Variants in CTNNA3 observed in about 807,000 individuals in gnomAD.
CTNNA3 encodes catenin alpha-3.
Under a neutral mutation model 95.7 loss-of-function variants are expected in CTNNA3, and 76 were observed. The ratio of observed to expected loss-of-function variants is 0.79; its 90% CI spans 0.66 to 0.96. The LOEUF (loss-of-function observed/expected upper bound fraction) is 0.96. CTNNA3 is among the 40% of genes least tolerant of loss of function. The pLI is 0.00. For synonymous variants in CTNNA3, 431 were observed against 374.4 expected (o/e 1.15, Z -1.74); for missense variants, 1,191 against 1,089.8 (o/e 1.09, Z -1.31).
intron 12 of CTNNA3, among the ~76,000 whole-genome samples, chr10:66,286,008 A>G (rs1369073768): frequency 6.6e-6 from 1 of 151,994 alleles, no homozygotes; most frequent in East Asian, 1.9e-4. Context: ...TCTATGGTTG[A>G]TGGGCATTTG....
chr10:67,246,787 A>G (rs770194126), intron 5 of CTNNA3, among the ~76,000 whole-genome samples: 3 of 152,130 alleles, frequency 2.0e-5, no homozygotes, highest in Non-Finnish European at 4.4e-5. Context: ...ATAGGGAAAA[A>G]TTCCTTTCTA....
chr10:66,966,309 A>G (rs960214860), intron 7 of CTNNA3, among the ~76,000 whole-genome samples: 4 of 152,134 alleles, frequency 2.6e-5, no homozygotes, highest in Admixed American at 6.5e-5. Context: ...AAAAAGTCTT[A>G]TTCTCATTTT....
At chr10:66,347,642 C>T (rs2092534289) in intron 12 of CTNNA3, among the ~76,000 whole-genome samples, 1 of 151,274 alleles carries the variant, frequency 6.6e-6, no homozygotes, top group Admixed American at 6.6e-5. Context: ...CAAGAATCTA[C>T]CAAATATCTA....
At chr10:67,669,189 A>G (rs1382628750) in intron 1 of CTNNA3, among the ~76,000 whole-genome samples, 3 of 152,150 alleles carry the variant, frequency 2.0e-5, no homozygotes, top group African/African-American at 7.2e-5. Flanking sequence ...ATTCACACCA[A>G]TTGACAGGTA....
intron 16 of CTNNA3, among the ~76,000 whole-genome samples, chr10:65,967,199 G>A (rs2077989576): frequency 6.6e-6 from 1 of 151,594 alleles, no homozygotes; most frequent in Non-Finnish European, 1.5e-5. Flanking sequence ...CTCATGATCT[G>A]CCTGCCTTGG....
intron 9 of CTNNA3, among the ~76,000 whole-genome samples, chr10:66,627,291 C>A (rs899154090): frequency 1.3e-5 from 2 of 152,136 alleles, no homozygotes; most frequent in Non-Finnish European, 2.9e-5. Context: ...CTTTTTCTAA[C>A]CTAGTGGTGT....
chr10:67,244,061 A>T (rs1349609248), intron 5 of CTNNA3, among the ~76,000 whole-genome samples: 1 of 152,216 alleles, frequency 6.6e-6, no homozygotes, highest in Admixed American at 6.5e-5. Flanking sequence ...TTACTTTTCC[A>T]TGAAATAAAA....
chr10:67,154,560 A>G (rs775037610), intron 7 of CTNNA3, among the ~76,000 whole-genome samples: 3 of 152,264 alleles, frequency 2.0e-5, no homozygotes, highest in Admixed American at 6.5e-5. Flanking sequence ...CTTGAAGATT[A>G]GAATAAAACG....
chr10:67,468,779 G>A (rs1847700385), intron 5 of CTNNA3, among the ~76,000 whole-genome samples: 1 of 152,154 alleles, frequency 6.6e-6, no homozygotes, highest in Non-Finnish European at 1.5e-5. Flanking sequence ...CCAGGTAGAT[G>A]AAAGCTGCCC....
At chr10:67,488,074 T>A (rs950086303) in intron 5 of CTNNA3, among the ~76,000 whole-genome samples, 1 of 152,120 alleles carries the variant, frequency 6.6e-6, no homozygotes, top group African/African-American at 2.4e-5. Flanking sequence ...TAAGAAATCA[T>A]ACATACAGAA....
chr10:66,095,165 T>C (rs1209180213), intron 14 of CTNNA3, among the ~76,000 whole-genome samples: 1 of 152,104 alleles, frequency 6.6e-6, no homozygotes, highest in Non-Finnish European at 1.5e-5. Context: ...ATATTTGAAA[T>C]CTTGGGATTA....
chr10:66,511,776 T>A (rs560765639), intron 11 of CTNNA3, among the ~76,000 whole-genome samples: 1 of 152,090 alleles, frequency 6.6e-6, no homozygotes, highest in South Asian at 2.1e-4. Context: ...GTTTTGGGCC[T>A]AACATAGGGT....
chr10:66,107,918 A>G (rs1273248932), intron 13 of CTNNA3, among the ~76,000 whole-genome samples: 3 of 152,140 alleles, frequency 2.0e-5, no homozygotes, highest in African/African-American at 7.2e-5. Context: ...TGAATTCTAA[A>G]CCATACACAT....
chr10:67,563,739 C>T (rs911103794), intron 3 of CTNNA3, among the ~76,000 whole-genome samples: 2 of 151,944 alleles, frequency 1.3e-5, no homozygotes, highest in Admixed American at 6.6e-5. Flanking sequence ...TTTCAATCTA[C>T]CCATCTGACA....
intron 3 of CTNNA3, among the ~76,000 whole-genome samples, chr10:67,579,269 G>T (rs980609132): frequency 1.5e-5 from 2 of 133,914 alleles, no homozygotes; most frequent in Non-Finnish European, 3.0e-5. Flanking sequence ...TGTTCTCGTT[G>T]TTCAATTCCC....
chr10:67,571,923 G>C (rs1841992955), intron 3 of CTNNA3, among the ~76,000 whole-genome samples: 1 of 152,182 alleles, frequency 6.6e-6, no homozygotes, highest in African/African-American at 2.4e-5. Context: ...TTATGAGTAT[G>C]TGAATCATCT....
chr10:66,291,935 TATA>T (rs1197704992), intron 12 of CTNNA3, among the ~76,000 whole-genome samples: 1 of 151,146 alleles, frequency 6.6e-6, no homozygotes, highest in Non-Finnish European at 1.5e-5. Context: ...ATATATGTAT[TATA>T]ATATATCTCA....
intron 7 of CTNNA3, among the ~76,000 whole-genome samples, chr10:67,065,001 C>T (rs920431765): frequency 2.6e-5 from 4 of 152,112 alleles, no homozygotes; most frequent in African/African-American, 9.7e-5. Context: ...ATAATTTCCA[C>T]AGCTTCCATA....
chr10:66,568,453 C>T (rs1305806222), intron 10 of CTNNA3, among the ~76,000 whole-genome samples: 2 of 152,022 alleles, frequency 1.3e-5, no homozygotes, highest in East Asian at 1.9e-4. Context: ...TAACTAAGTT[C>T]TGACACCAAT....
Sources: allele counts gnomAD v4.1 joint callset (sites outside exome capture counted in the v4.1 genomes callset), GRCh38; gene constraint gnomAD v4.1.1; transcripts MANE v1.5; gene names NCBI Gene and HGNC (gene_info 2026-07-23, HGNC 2026-07-21).